The following KCNH5 variants were observed in gnomAD, a reference collection of about 807,000 sequenced individuals.
The protein encoded by KCNH5 is voltage-gated delayed rectifier potassium channel KCNH5.
Under a neutral mutation model 96.1 loss-of-function variants are expected in KCNH5, and 46 were observed. That is an observed-to-expected ratio of 0.48 (90% confidence interval 0.38 to 0.61). KCNH5 has a LOEUF of 0.61. Ranked by LOEUF, KCNH5 falls within the 20% of genes least tolerant of loss-of-function variation. KCNH5 has a pLI of 0.00. For missense variants in KCNH5, 907 were observed against 1,225.8 expected (o/e 0.74, Z 3.88); for synonymous variants, 439 against 449.8 (o/e 0.98, Z 0.30).
At chr14:62,878,208 G>GGC (rs1566692047) in intron 7 of KCNH5, among the ~76,000 whole-genome samples, 6 of 121,332 alleles carry the variant, frequency 4.9e-5, no homozygotes, top group African/African-American at 1.4e-4. Context: ...GGATGGGGGG[G>GGC]GGGGCGGAGG....
At chr14:62,954,895 T>G (rs1035623044) in intron 6 of KCNH5, among the ~76,000 whole-genome samples, 1 of 152,066 alleles carries the variant, frequency 6.6e-6, no homozygotes, top group African/African-American at 2.4e-5. Flanking sequence ...ATGAGACTTA[T>G]TCACTACCAC....
At chr14:62,785,031 A>G (rs117369670) in intron 9 of KCNH5, among the ~76,000 whole-genome samples, 2,642 of 152,310 alleles carry the variant, frequency 0.017, 37 homozygotes, top group Non-Finnish European at 0.023. Context: ...TGTAATAAGC[A>G]ATACTAATTG....
At chr14:62,918,867 A>C (rs150084616) in intron 7 of KCNH5, among the ~76,000 whole-genome samples, 1 of 152,226 alleles carries the variant, frequency 6.6e-6, no homozygotes, top group Non-Finnish European at 1.5e-5. Context: ...TTTGCTCCCA[A>C]ATAGGTAATT....
At chr14:62,897,034 A>G (rs1322185389) in intron 7 of KCNH5, among the ~76,000 whole-genome samples, 1 of 152,240 alleles carries the variant, frequency 6.6e-6, no homozygotes, top group Non-Finnish European at 1.5e-5. Context: ...ATCGCTCTTC[A>G]GCAACTGAGA....
chr14:62,843,705 C>G (rs1005404526), intron 8 of KCNH5, among the ~76,000 whole-genome samples: 37 of 152,220 alleles, frequency 2.4e-4, no homozygotes, highest in Middle Eastern at 3.4e-3. Context: ...CCACTGAGCC[C>G]GGCCCCTACA....
intron 10 of KCNH5, among the ~76,000 whole-genome samples, chr14:62,767,788 CTGTACA>C (rs1291163672): frequency 6.6e-6 from 1 of 152,092 alleles, no homozygotes; most frequent in East Asian, 1.9e-4. Context: ...TGTAGCAAAC[CTGTACA>C]TGTACCCCCG....
chr14:62,909,996 G>T (rs1889118631), intron 7 of KCNH5, among the ~76,000 whole-genome samples: 1 of 151,482 alleles, frequency 6.6e-6, no homozygotes, highest in Admixed American at 6.6e-5. Context: ...AGGAATTTTT[G>T]AGTGTTTTGT....
intron 4 of KCNH5, 112 bp from the exon 5 acceptor site, chr14:62,987,299 C>T: frequency 1.4e-6 from 1 of 713,420 alleles, no homozygotes; most frequent in South Asian, 1.6e-5. Flanking sequence ...AAAATGAATG[C>T]AAAGTATCAA....
chr14:62,865,776 G>A (rs1440351443), intron 7 of KCNH5, among the ~76,000 whole-genome samples: 1 of 152,152 alleles, frequency 6.6e-6, no homozygotes, highest in Non-Finnish European at 1.5e-5. Context: ...GAGGAATTGT[G>A]TATTTCCTAG....
Position 62,707,351 on chromosome 14 carries a change from C to T in KCNH5, c.*157G>A. On this transcript the variant is annotated 3_prime_UTR_variant, in exon 11 of 11. Transcript: ENST00000322893. ...TGTTTTTAATCATCATCTTCTTTGG[C>T]AGGCCAGAATCCAGCTGGACATGCA... 2.6e-6 allele frequency: 1 copy of T among 390,056 alleles called. No homozygotes were observed. Among genetic ancestry groups the T allele is most frequent in the East Asian group, 3.9e-5 (1 of 25,318 alleles). 24.2% of individuals were successfully genotyped at this position (390,056 alleles called of 1,614,324 possible). A position where few individuals can be genotyped will look rare whatever the true frequency, so the allele number is the denominator to read the frequency against.
At chr14:62,816,505 G>C (rs1194556471) in intron 8 of KCNH5, among the ~76,000 whole-genome samples, 2 of 151,906 alleles carry the variant, frequency 1.3e-5, no homozygotes, top group African/African-American at 4.8e-5. Context: ...ATTAGTTATA[G>C]TTGAAATAGG....
At chr14:62,901,134 A>G (rs1888916920) in intron 7 of KCNH5, among the ~76,000 whole-genome samples, 1 of 152,246 alleles carries the variant, frequency 6.6e-6, no homozygotes, top group South Asian at 2.1e-4. Flanking sequence ...GATTACAAGC[A>G]TGAGCCACTG....
chr14:63,003,872 G>A (rs1040813163), intron 3 of KCNH5, among the ~76,000 whole-genome samples: 9 of 151,500 alleles, frequency 5.9e-5, no homozygotes, highest in African/African-American at 1.9e-4. Context: ...CGCCCGCCTC[G>A]GCCTTCCAAA....
chr14:62,830,081 G>C (rs1273355064), intron 8 of KCNH5, among the ~76,000 whole-genome samples: 1 of 152,180 alleles, frequency 6.6e-6, no homozygotes, highest in Non-Finnish European at 1.5e-5. Flanking sequence ...AATGCCACCA[G>C]TCTCTTTGCT....
chr14:62,975,406 A>G (rs1318492145), intron 6 of KCNH5, among the ~76,000 whole-genome samples: 3 of 152,308 alleles, frequency 2.0e-5, no homozygotes, highest in African/African-American at 4.8e-5. Flanking sequence ...CAAAGAATGC[A>G]TAAAATAGTA....
rs555342130 is a variant in KCNH5, at chr14:62,742,173, G to A, written c.2020-33718C>T. ...ACGTCCTAAGTAGCAAAAAAGAATA[G>A]AGTGCTCTATGCAGCATATGGTTCC... On this transcript the variant is annotated intron_variant, in intron 10 of 10. Transcript: ENST00000322893. Among the ~76,000 whole-genome samples, 262 of 152,052 alleles carry A rather than the reference G, an allele frequency of 1.7e-3. 2 individuals are homozygous for A. Among genetic ancestry groups the A allele is most frequent in the African/African-American group, 6.2e-3 (257 of 41,526 alleles).
At chr14:63,015,632 A>G (rs192404231) in intron 2 of KCNH5, among the ~76,000 whole-genome samples, 1 of 151,956 alleles carries the variant, frequency 6.6e-6, no homozygotes, top group Non-Finnish European at 1.5e-5. Context: ...ATATACATAG[A>G]GAGGGAGAGA....
intron 8 of KCNH5, among the ~76,000 whole-genome samples, chr14:62,839,151 A>G (rs1317205294): frequency 1.3e-5 from 2 of 151,750 alleles, no homozygotes; most frequent in Non-Finnish European, 3.0e-5. Context: ...TACTTATAAC[A>G]TAAATTGATG....
intron 10 of KCNH5, among the ~76,000 whole-genome samples, chr14:62,745,465 A>C (rs1208827513): frequency 6.6e-6 from 1 of 152,248 alleles, no homozygotes; most frequent in African/African-American, 2.4e-5. Flanking sequence ...CAAAAACACT[A>C]AATTTATCAA....
Sources: allele counts gnomAD v4.1 joint callset (sites outside exome capture counted in the v4.1 genomes callset), GRCh38; gene constraint gnomAD v4.1.1; transcripts MANE v1.5; gene names NCBI Gene and HGNC (gene_info 2026-07-23, HGNC 2026-07-21).